ARB2A: variants seen among roughly 807,000 people sequenced by gnomAD.
ARB2A encodes cotranscriptional regulator ARB2A.
the ARB2A span, among the ~76,000 whole-genome samples, chr5:94,034,069 A>G: frequency 6.6e-6 from 1 of 152,210 alleles, no homozygotes; most frequent in Non-Finnish European, 1.5e-5. Flanking sequence ...GGCCCTCACC[A>G]GAAGTTGAGC....
At chr5:93,773,448 T>G in the ARB2A span, among the ~76,000 whole-genome samples, 3 of 152,164 alleles carry the variant, frequency 2.0e-5, no homozygotes, top group African/African-American at 4.8e-5. Context: ...TTTCTGTAAC[T>G]AAAGGCAATA....
the ARB2A span, chr5:93,865,585 T>C: frequency 1.0e-6 from 1 of 985,284 alleles, no homozygotes; most frequent in South Asian, 4.7e-5. Context: ...GCAAAAAGCA[T>C]ACGGAAACAA....
chr5:93,693,932 G>GA, the ARB2A span, among the ~76,000 whole-genome samples: 19 of 151,454 alleles, frequency 1.3e-4, no homozygotes, highest in African/African-American at 4.4e-4. Context: ...CAGAACCAAT[G>GA]AAAAAAAACC....
At chr5:93,929,628 AT>A in the ARB2A span, among the ~76,000 whole-genome samples, 7 of 152,204 alleles carry the variant, frequency 4.6e-5, no homozygotes, top group Middle Eastern at 3.2e-3. Context: ...AGAAAAAAAA[AT>A]AAATGTAAAG....
the ARB2A span, among the ~76,000 whole-genome samples, chr5:93,793,277 GCTTA>G: frequency 1.4e-5 from 1 of 72,784 alleles, no homozygotes; most frequent in South Asian, 5.8e-4. Flanking sequence ...AGAAACAAGG[GCTTA>G]CTATGTTGCC....
the ARB2A span, among the ~76,000 whole-genome samples, chr5:93,718,876 C>T: frequency 1.3e-5 from 2 of 152,184 alleles, no homozygotes; most frequent in South Asian, 4.1e-4. Context: ...GTACCTCTTT[C>T]TATTTCACTG....
chr5:93,661,982 C>T, the ARB2A span, among the ~76,000 whole-genome samples: 1 of 152,034 alleles, frequency 6.6e-6, no homozygotes. Flanking sequence ...AAACAGAGAC[C>T]ACTCTTCTAG....
the ARB2A span, among the ~76,000 whole-genome samples, chr5:94,075,406 C>A: frequency 2.0e-5 from 3 of 151,952 alleles, no homozygotes; most frequent in African/African-American, 7.3e-5. Context: ...TTATTAAAAT[C>A]GAATTCTGCT....
chr5:93,903,522 C>T, the ARB2A span, among the ~76,000 whole-genome samples: 3 of 151,952 alleles, frequency 2.0e-5, no homozygotes, highest in Non-Finnish European at 4.4e-5. Flanking sequence ...CTAAAATTAG[C>T]TAGTTTCTCT....
At chr5:93,690,616 T>G in the ARB2A span, among the ~76,000 whole-genome samples, 2 of 152,104 alleles carry the variant, frequency 1.3e-5, no homozygotes, top group Admixed American at 6.5e-5. Context: ...AAGGGGTGGC[T>G]GTGGGTGCAG....
At chr5:93,660,859 A>G in the ARB2A span, among the ~76,000 whole-genome samples, 14 of 152,118 alleles carry the variant, frequency 9.2e-5, no homozygotes, top group Non-Finnish European at 4.4e-5. Context: ...ATAAAACATG[A>G]CGACTGCCTT....
the ARB2A span, among the ~76,000 whole-genome samples, chr5:93,765,619 C>T: frequency 6.6e-6 from 1 of 152,100 alleles, no homozygotes; most frequent in African/African-American, 2.4e-5. Flanking sequence ...GGCCATACAG[C>T]CCAAGGTAAT....
the ARB2A span, among the ~76,000 whole-genome samples, chr5:93,647,243 C>T: frequency 2.6e-5 from 4 of 152,086 alleles, no homozygotes; most frequent in East Asian, 1.9e-4. Flanking sequence ...TCTTCCCCCC[C>T]GAGACGGAGT....
the ARB2A span, among the ~76,000 whole-genome samples, chr5:93,917,816 A>G: frequency 6.6e-6 from 1 of 152,158 alleles, no homozygotes; most frequent in East Asian, 1.9e-4. Flanking sequence ...TGTTTGAGGT[A>G]GCAGTGGGCT....
chr5:93,795,501 G>T, the ARB2A span, among the ~76,000 whole-genome samples: 1 of 152,140 alleles, frequency 6.6e-6, no homozygotes, highest in Admixed American at 6.5e-5. Context: ...TGTTCCTGTG[G>T]TAGTTCTTGG....
chr5:93,799,952 T>C, the ARB2A span, among the ~76,000 whole-genome samples: 4 of 152,100 alleles, frequency 2.6e-5, no homozygotes, highest in Admixed American at 6.6e-5. Context: ...CAGGTAATTA[T>C]TTAAAACTAG....
chr5:93,638,588 G>A, the ARB2A span, among the ~76,000 whole-genome samples: 1 of 151,712 alleles, frequency 6.6e-6, no homozygotes. Context: ...TGAGGCAGGC[G>A]GGTCACCTCA....
the ARB2A span, among the ~76,000 whole-genome samples, chr5:93,699,147 T>C: frequency 6.6e-6 from 1 of 152,208 alleles, no homozygotes; most frequent in East Asian, 1.9e-4. Context: ...AACTTGACAA[T>C]AGATACAGAG....
chr5:93,797,161 G>A, the ARB2A span, among the ~76,000 whole-genome samples: 3 of 152,112 alleles, frequency 2.0e-5, no homozygotes, highest in Admixed American at 6.5e-5. Flanking sequence ...TCTGAAACCC[G>A]TCATTTAGAC....
Sources: allele counts gnomAD v4.1 joint callset (sites outside exome capture counted in the v4.1 genomes callset), GRCh38; gene constraint gnomAD v4.1.1; transcripts MANE v1.5; gene names NCBI Gene and HGNC (gene_info 2026-07-23, HGNC 2026-07-21).